The following TMEM178B variants were observed in gnomAD, a reference collection of about 807,000 sequenced individuals.
TMEM178B encodes transmembrane protein 178B.
Under a neutral mutation model 31.0 loss-of-function variants are expected in TMEM178B, and 5 were observed. The ratio of observed to expected loss-of-function variants is 0.16; its 90% confidence interval spans 0.08 to 0.34. The LOEUF is 0.34. Among genes scored for constraint, TMEM178B ranks in the 10% least tolerant of loss-of-function variants. The pLI is 1.00. For synonymous variants in TMEM178B, 164 were observed against 164.0 expected, an observed-to-expected ratio of 1.00 and a Z score of 0.00; for missense variants, 275 against 400.3, an observed-to-expected ratio of 0.69 and a Z score of 2.67.
the TMEM178B span, among the ~76,000 whole-genome samples, chr7:141,501,074 A>G: frequency 6.6e-6 from 1 of 152,196 alleles, no homozygotes; most frequent in African/African-American, 2.4e-5. Context: ...AAGCATCTAC[A>G]TCTTGTTGCT....
chr7:141,265,539 C>T (rs1363413070), intron 2 of TMEM178B, among the ~76,000 whole-genome samples: 2 of 152,158 alleles, frequency 1.3e-5, no homozygotes, highest in South Asian at 4.1e-4. Flanking sequence ...TTGGAATTCT[C>T]TAAGGGTATC....
chr7:141,302,124 G>A (rs1426590411), intron 2 of TMEM178B, among the ~76,000 whole-genome samples: 2 of 152,118 alleles, frequency 1.3e-5, no homozygotes, highest in African/African-American at 2.4e-5. Flanking sequence ...AAAATGGTGA[G>A]GTGCTATGTC....
At chr7:141,185,626 A>G (rs76820851) in intron 1 of TMEM178B, among the ~76,000 whole-genome samples, 18 of 152,194 alleles carry the variant, frequency 1.2e-4, no homozygotes, top group South Asian at 2.1e-4. Flanking sequence ...CTCGACGTCC[A>G]GCTGCTTGTG....
At position 141,426,011 on chromosome 7, in the gene TMEM178B, T is replaced by C. The variant is rs545998354; in HGVS notation, c.497-11597T>C. On this transcript the variant is annotated intron_variant, in intron 2 of 3. Coordinates refer to ENST00000565468, the MANE Select transcript of TMEM178B (RefSeq NM_001195278.2). ...ATATGTGCTCATTAAACTTTATTGC[T>C]GTGTGTCATCTGGAATCTGGCCCCA... is the stretch of plus-strand genomic sequence containing the variant. Among the ~76,000 whole-genome samples, 4 of 152,362 alleles carry C rather than the reference T, an allele frequency of 2.6e-5. No homozygotes were observed. In the East Asian group the frequency reaches 5.8e-4, roughly 22 times the overall value.
At chr7:141,088,164 C>G (rs1387511305) in intron 1 of TMEM178B, among the ~76,000 whole-genome samples, 3 of 152,078 alleles carry the variant, frequency 2.0e-5, no homozygotes, top group Admixed American at 2.0e-4. Flanking sequence ...TGTCTTCAAC[C>G]TCTTCTCTCT....
chr7:141,445,853 T>C (rs1801744741), intron 3 of TMEM178B, among the ~76,000 whole-genome samples: 1 of 152,226 alleles, frequency 6.6e-6, no homozygotes, highest in South Asian at 2.1e-4. Context: ...TATAGTTTTA[T>C]GTGAGATTTC....
At chr7:141,152,880 A>G (rs1376106076) in intron 1 of TMEM178B, among the ~76,000 whole-genome samples, 2 of 152,228 alleles carry the variant, frequency 1.3e-5, no homozygotes, top group Non-Finnish European at 2.9e-5. Flanking sequence ...GACATTTACT[A>G]TGTGCCAGGA....
At chr7:141,124,375 A>G (rs77708915) in intron 1 of TMEM178B, among the ~76,000 whole-genome samples, 1 of 152,122 alleles carries the variant, frequency 6.6e-6, no homozygotes, top group Admixed American at 6.5e-5. Context: ...TAAAAAAAAA[A>G]TAGAAAAAAA....
chr7:141,339,531 A>G (rs554988941), intron 2 of TMEM178B, among the ~76,000 whole-genome samples: 1 of 152,400 alleles, frequency 6.6e-6, no homozygotes, highest in East Asian at 1.9e-4. Context: ...AAAAGGGATG[A>G]AAATTAGCAA....
intron 2 of TMEM178B, among the ~76,000 whole-genome samples, chr7:141,405,020 C>T (rs900804643): frequency 2.0e-5 from 3 of 152,222 alleles, no homozygotes; most frequent in Admixed American, 1.3e-4. Context: ...TTAGGCCCTA[C>T]CCTCTCTCTC....
intron 3 of TMEM178B, among the ~76,000 whole-genome samples, chr7:141,448,830 C>A (rs967894738): frequency 6.6e-6 from 1 of 152,126 alleles, no homozygotes; most frequent in Non-Finnish European, 1.5e-5. Flanking sequence ...ATTAACAAGA[C>A]CCTGTCTTCT....
rs1441264525 is a variant in TMEM178B, at chr7:141,478,414, G to A, written c.*7628G>A. On this transcript the variant is annotated 3_prime_UTR_variant, in exon 4 of 4. Transcript: ENST00000565468. ...CCAGTGACCCAACCCATGATTAGAGGCACCTTCAATCCCAACTTTCCTCTC... is the reference window on the plus strand; with the variant it reads ...CCAGTGACCCAACCCATGATTAGAGACACCTTCAATCCCAACTTTCCTCTC... 6.6e-6 allele frequency: 1 copy of A among 152,136 alleles called. No individual in the cohort carries two copies. Among genetic ancestry groups the A allele is most frequent in the Non-Finnish European group, 1.5e-5 (1 of 68,040 alleles). 9.4% of individuals were successfully genotyped at this position (152,136 alleles called of 1,614,324 possible).
chr7:141,133,205 GAATAA>G (rs1399152396), intron 1 of TMEM178B, among the ~76,000 whole-genome samples: 1 of 151,792 alleles, frequency 6.6e-6, no homozygotes, highest in African/African-American at 2.4e-5. Context: ...ACCTATAAAA[GAATAA>G]AATAATTGTT....
At chr7:141,106,400 A>T (rs190723024) in intron 1 of TMEM178B, among the ~76,000 whole-genome samples, 5 of 152,376 alleles carry the variant, frequency 3.3e-5, no homozygotes, top group African/African-American at 1.2e-4. Context: ...AGAGAGGAAC[A>T]TAAAATGCAT....
At position 141,477,794 on chromosome 7, in the gene TMEM178B, A is replaced by G. The variant is rs1802400843; in HGVS notation, c.*7008A>G. 1 of 152,124 alleles carries G rather than the reference A, an allele frequency of 6.6e-6. No individual in the cohort carries two copies. Among genetic ancestry groups the G allele is most frequent in the South Asian group, 2.1e-4 (1 of 4,814 alleles). The allele number at this position is 152,124 out of a possible 1,614,324, so 9.4% of individuals were successfully genotyped here. A position where few individuals can be genotyped will look rare whatever the true frequency, so the allele number is the denominator to read the frequency against. ...TTACTGCATGGAGGTAAATTAGGAG[A>G]TGTTTTCTCTCTGCTACTCCTGGCC... On this transcript the variant is annotated 3_prime_UTR_variant, in exon 4 of 4. Transcript: ENST00000565468.
At chr7:141,463,727 C>G (rs1431626571) in intron 3 of TMEM178B, among the ~76,000 whole-genome samples, 1 of 152,226 alleles carries the variant, frequency 6.6e-6, no homozygotes, top group Non-Finnish European at 1.5e-5. Flanking sequence ...CCAGTGCAAA[C>G]AAAGGCCCTG....
Position 141,467,166 on chromosome 7 carries a change from C to T in TMEM178B, c.635-3370C>T, listed in dbSNP as rs139157635. Among the ~76,000 whole-genome samples the T allele has an allele frequency of 1.9e-4, 29 of 152,248 alleles. No homozygotes were observed. The East Asian group carries it at 5.6e-3, about 29-fold the overall frequency. ...TGTAAAAACTATAGATTCCCATGCT[C>T]TTCCCCAAGACCCTCTGATTCAGGG... On this transcript the variant is annotated intron_variant, in intron 3 of 3. Coordinates refer to ENST00000565468, the MANE Select transcript of TMEM178B (RefSeq NM_001195278.2).
intron 2 of TMEM178B, among the ~76,000 whole-genome samples, chr7:141,231,615 G>A (rs1797448030): frequency 6.6e-6 from 1 of 152,162 alleles, no homozygotes; most frequent in Non-Finnish European, 1.5e-5. Context: ...GCTCCCTGGG[G>A]GCTGGAAGGG....
chr7:141,267,810 C>G (rs760660609), intron 2 of TMEM178B, among the ~76,000 whole-genome samples: 5 of 152,230 alleles, frequency 3.3e-5, no homozygotes, highest in Admixed American at 6.5e-5. Flanking sequence ...GCCTGATTCT[C>G]TACTCCTCAT....
Sources: allele counts gnomAD v4.1 joint callset (sites outside exome capture counted in the v4.1 genomes callset), GRCh38; gene constraint gnomAD v4.1.1; transcripts MANE v1.5; gene names NCBI Gene and HGNC (gene_info 2026-07-23, HGNC 2026-07-21).